MYBPC3: variants seen among roughly 807,000 people sequenced by gnomAD.
MYBPC3 encodes the protein myosin binding protein C3.
MYBPC3 carries 108 observed loss-of-function variants against 159.3 expected under a neutral mutation model. That is an observed-to-expected ratio of 0.68 (90% CI 0.58 to 0.80). The LOEUF is 0.80. Among genes scored for constraint, MYBPC3 ranks in the 30% least tolerant of loss-of-function variants. MYBPC3 has a pLI of 0.00. For synonymous variants in MYBPC3, 730 were observed against 702.0 expected (o/e 1.04, Z -0.63); for missense variants, 1,631 against 1,762.1 (o/e 0.93, Z 1.33).
Position 47,332,712 on chromosome 11 carries a change from A to G in MYBPC3, c.3491-10T>C. 6.2e-7 allele frequency: 1 copy of G among 1,603,282 alleles called. No homozygotes were observed. The highest frequency in any genetic ancestry group is 1.1e-5 in the South Asian group (1 of 89,742). ...GGCTCATAGGTGATGCCTGTTGGTG[A>G]CAGGACTTGGTACCGAGAGGGCCAC... On this transcript the variant is annotated splice_polypyrimidine_tract_variant and intron_variant, in intron 31 of 34. Coordinates refer to ENST00000545968, the MANE Select transcript of MYBPC3 (RefSeq NM_000256.3). This position sits in a 1 kb window ranked among gnomAD's most constrained non-coding sequence, Gnocchi z 4.2.
chr11:47,347,806 G>A, intron 7 of MYBPC3, 51 bp downstream of exon 7: 2 of 1,550,236 alleles, frequency 1.3e-6, no homozygotes, highest in Non-Finnish European at 1.7e-6. Flanking sequence ...ACCCTGAAGG[G>A]CCTCAGACTC....
chr11:47,343,404 C>T, intron 13 of MYBPC3, 88 bp downstream of exon 13: 1 of 1,495,996 alleles, frequency 6.7e-7, no homozygotes, highest in Non-Finnish European at 8.9e-7. Flanking sequence ...CACACCGAGT[C>T]AGAGATACGC....
In MYBPC3 at chr11:47,332,413, G is replaced by A. The variant is rs2095878076; in HGVS notation, c.3627+153C>T. 6.6e-6 allele frequency among the ~76,000 whole-genome samples: 1 copy of A among 152,192 alleles called. No homozygotes were observed. Among genetic ancestry groups the A allele is most frequent in the Admixed American group, 6.5e-5 (1 of 15,270 alleles). ...GAAACAAACATGGAACCAAGAGTGA[G>A]TACCATGGCCCTGCCCAGGGGGAGG... On this transcript the variant is annotated intron_variant, in intron 32 of 34. Coordinates refer to ENST00000545968, the MANE Select transcript of MYBPC3 (RefSeq NM_000256.3). The surrounding 1 kb of genome is among the most constrained non-coding windows in gnomAD (Gnocchi z 4.2).
chr11:47,333,213 T>C lies in MYBPC3; in HGVS notation c.3311A>G (p.Lys1104Arg), dbSNP rs2095878958. 2 of 1,601,066 alleles carry C rather than the reference T, an allele frequency of 1.2e-6. No individual in the cohort carries two copies. The highest frequency in any genetic ancestry group is 1.7e-6 in the Non-Finnish European group (2 of 1,173,688). The part of the protein sequence containing the change: ...NTELWGYTVQ[K>R]ADKKTMEWFT... The stretch of plus-strand genomic sequence containing the variant: ...GCTCACCATGGTCTTCTTGTCGGCT[T>C]TCTGCACTGTGTACCCCCAGAGCTC... The change falls in exon 30 of 35, where the codon AAA becomes AGA. Residue 1104 changes from lysine to arginine, a missense_variant. By Grantham distance (26) the Lys-to-Arg change is conservative. Coordinates refer to ENST00000545968, the MANE Select transcript of MYBPC3 (RefSeq NM_000256.3).
At chr11:47,342,489 G>T in intron 17 of MYBPC3, 89 bp downstream of exon 17, 1 of 1,416,124 alleles carries the variant, frequency 7.1e-7, no homozygotes, top group Non-Finnish European at 9.3e-7. Context: ...CTTGAGCCCA[G>T]GTTTGCCTGC....
rs111666802 is a variant in MYBPC3 at position 47,335,420 on chromosome 11, C to T, written c.2738-211G>A. Reference sequence around the variant, plus strand: ...TTGGCTCACCGCAACTTCTGCCTCCCGAGTTCAAGTGATTCTCCTGCCTCA... The same window carrying T: ...TTGGCTCACCGCAACTTCTGCCTCCTGAGTTCAAGTGATTCTCCTGCCTCA... On this transcript the variant is annotated intron_variant, in intron 26 of 34. Transcript: ENST00000545968. 0.016 allele frequency among the ~76,000 whole-genome samples: 2,501 copies of T among 152,350 alleles called. 81 individuals are homozygous for T. Among genetic ancestry groups the T allele is most frequent in the African/African-American group, 0.057 (2,371 of 41,568 alleles).
chr11:47,340,614 C>A (rs1185192306), intron 20 of MYBPC3, among the ~76,000 whole-genome samples: 1 of 152,094 alleles, frequency 6.6e-6, no homozygotes, highest in African/African-American at 2.4e-5. Context: ...TTGCAGTGAG[C>A]CGAGATCGCG....
intron 17 of MYBPC3, 94 bp from the exon 18 acceptor site, chr11:47,342,250 G>A (rs866850303): frequency 3.3e-5 from 47 of 1,441,922 alleles, no homozygotes; most frequent in Middle Eastern, 3.7e-4. Context: ...GCGCTGGTGC[G>A]CACGTGTCTG....
chr11:47,343,318 A>AC, intron 13 of MYBPC3, 56 bp from the exon 14 acceptor site: 2 of 1,521,770 alleles, frequency 1.3e-6, no homozygotes, highest in South Asian at 1.3e-5. Flanking sequence ...TGAGCCCGAG[A>AC]CAAAAGGAGA....
In MYBPC3 at chr11:47,350,583, C is replaced by T. The variant is rs1307221605; in HGVS notation, c.325G>A (p.Ala109Thr). 3.9e-6 allele frequency: 6 copies of T among 1,523,954 alleles called. No homozygotes were observed. Among genetic ancestry groups the T allele is most frequent in the Non-Finnish European group, 5.2e-6 (6 of 1,144,334 alleles). The allele number at this position is 1,523,954 out of a possible 1,614,324, so 94.4% of individuals were successfully genotyped here. A position where few individuals can be genotyped will look rare whatever the true frequency, so the allele number is the denominator to read the frequency against. The change falls in exon 3 of 35, where the codon GCC becomes ACC. Residue 109 changes from alanine (A) to threonine (T), a missense_variant. Ala to Thr is a moderately conservative substitution (Grantham distance 58). Coordinates refer to ENST00000545968, the MANE Select transcript of MYBPC3 (RefSeq NM_000256.3). ...GGGGCTCCAGTGGCCTCAGCAGGGG[C>T]AGGGGCAGGGGCCAGCATGGGCTCT... ...KAEPMLAPAP[A>T]PAEATGAPGE...
At chr11:47,344,974 G>C (rs1200431911) in intron 12 of MYBPC3, among the ~76,000 whole-genome samples, 1 of 152,186 alleles carries the variant, frequency 6.6e-6, no homozygotes, top group Admixed American at 6.5e-5. Context: ...ATTTTTAGTA[G>C]AGACGGGGTT....
chr11:47,343,864 C>T (rs892737117), intron 12 of MYBPC3, among the ~76,000 whole-genome samples: 1 of 152,244 alleles, frequency 6.6e-6, no homozygotes, highest in Non-Finnish European at 1.5e-5. Context: ...TCTTGGCTCA[C>T]TGCAACCTCT....
Position 47,333,689 on chromosome 11 carries a change from T to C in MYBPC3, c.3058A>G (p.Ser1020Gly), listed in dbSNP as rs2095879641. 4 of 1,611,090 alleles carry C rather than the reference T, an allele frequency of 2.5e-6. No homozygotes were observed. Among genetic ancestry groups the C allele is most frequent in the Middle Eastern group, 3.3e-4 (2 of 6,076 alleles). ...EGQPLAGEEV[S>G]IRNSPTDTIL... ...GTGTCTGTGGGGCTGTTGCGGATGC[T>C]CACCTCCTCGCCTGCCAGGGGCTGC... Residue 1020 changes from serine (S) to glycine (G), a missense_variant, in exon 29 of 35, where the codon AGC becomes GGC. Coordinates refer to ENST00000545968, the MANE Select transcript of MYBPC3 (RefSeq NM_000256.3).
chr11:47,348,740 C>G (rs930363237), intron 5 of MYBPC3, among the ~76,000 whole-genome samples, 199 bp from the exon 6 acceptor site: 1 of 151,074 alleles, frequency 6.6e-6, no homozygotes, highest in Non-Finnish European at 1.5e-5. Flanking sequence ...TCCGTCTCTA[C>G]TAAAAATAAC....
chr11:47,347,059 A>G, intron 9 of MYBPC3, 30 bp from the exon 10 acceptor site: 1 of 850,294 alleles, frequency 1.2e-6, no homozygotes, highest in Non-Finnish European at 2.0e-6. Context: ...GCCATAATGG[A>G]GGGGCCGGGG....
Position 47,346,121 on chromosome 11 carries a change from G to T in MYBPC3, c.1090+86C>A. On this transcript the variant is annotated intron_variant, in intron 12 of 34. Transcript: ENST00000545968. The surrounding 1 kb of genome is among the most constrained non-coding windows in gnomAD (Gnocchi z 5.3). ...CTGTGCCCTCTCCTCTCCCCTGTGG[G>T]GAAGGGCTAACCTATGCCCTCTCCT... The T allele has an allele frequency of 6.4e-7, 1 of 1,554,548 alleles. No individual in the cohort carries two copies. Among genetic ancestry groups the T allele is most frequent in the South Asian group, 1.2e-5 (1 of 83,080 alleles).
intron 20 of MYBPC3, among the ~76,000 whole-genome samples, chr11:47,340,599 G>A (rs11823878): frequency 1.4e-3 from 220 of 152,278 alleles, no homozygotes; most frequent in African/African-American, 5.0e-3. Context: ...CCTGGGAGGC[G>A]GAGCTTGCAG....
At chr11:47,333,531 G>C in intron 29 of MYBPC3, 26 bp downstream of exon 29, 1 of 1,599,000 alleles carries the variant, frequency 6.3e-7, no homozygotes, top group Non-Finnish European at 8.5e-7. Flanking sequence ...GAAACAAGGG[G>C]GCTCAAGGAG....
chr11:47,333,160 G>C (rs534826052), intron 30 of MYBPC3, 34 bp downstream of exon 30: 4 of 1,589,022 alleles, frequency 2.5e-6, no homozygotes, highest in East Asian at 4.5e-5. Flanking sequence ...GGCCTAGGCA[G>C]GGTGCACGTG....
Sources: gnomAD v4.1 joint callset for allele counts (sites outside exome capture counted in the v4.1 genomes callset) on GRCh38, gnomAD v4.1.1 for gene constraint, Gnocchi (gnomAD v3.1) non-coding constraint, MANE v1.5 for transcripts, NCBI Gene and HGNC (gene_info 2026-07-23, HGNC 2026-07-21) for gene names.